The following ERBB4 variants were observed in gnomAD, a reference collection of about 807,000 sequenced individuals.
ERBB4 encodes the protein receptor tyrosine-protein kinase erbB-4.
Under a neutral mutation model 158.0 loss-of-function variants are expected in ERBB4, and 42 were observed. The ratio of observed to expected loss-of-function variants is 0.27; its 90% confidence interval spans 0.21 to 0.34. The LOEUF (loss-of-function observed/expected upper bound fraction) is 0.34, where lower values mean the gene tolerates loss of function less well. Ranked by LOEUF, ERBB4 falls within the 10% of genes least tolerant of loss-of-function variation. The pLI is 1.00. For missense variants in ERBB4, 1,333 were observed against 1,624.1 expected (o/e 0.82, Z 3.08); for synonymous variants, 583 against 558.7 (o/e 1.04, Z -0.61).
chr2:212,325,127 G>A (rs2087765697), intron 1 of ERBB4, among the ~76,000 whole-genome samples: 1 of 150,668 alleles, frequency 6.6e-6, no homozygotes. Context: ...TGTATTACAT[G>A]TTAGAAATTT....
intron 3 of ERBB4, among the ~76,000 whole-genome samples, chr2:211,888,201 T>C (rs2106172711): frequency 6.6e-6 from 1 of 152,344 alleles, no homozygotes; most frequent in South Asian, 2.1e-4. Flanking sequence ...TTCTTTGGGC[T>C]ACTCTACCAA....
intron 1 of ERBB4, among the ~76,000 whole-genome samples, chr2:212,324,934 C>T (rs1018556159): frequency 6.7e-6 from 1 of 150,344 alleles, no homozygotes; most frequent in Admixed American, 6.6e-5. Flanking sequence ...ACACAAGTCA[C>T]GATTATACAG....
intron 12 of ERBB4, among the ~76,000 whole-genome samples, chr2:211,696,322 G>A (rs1167128564): frequency 6.6e-6 from 1 of 152,072 alleles, no homozygotes; most frequent in Admixed American, 6.6e-5. Context: ...TATTGGCCAA[G>A]ATGATCTTGA....
intron 3 of ERBB4, among the ~76,000 whole-genome samples, chr2:211,916,515 C>T (rs2079696471): frequency 1.3e-5 from 2 of 151,982 alleles, no homozygotes; most frequent in Non-Finnish European, 2.9e-5. Context: ...TTCATATTTA[C>T]CTATAAATTT....
intron 3 of ERBB4, among the ~76,000 whole-genome samples, chr2:211,818,908 A>C (rs1206110044): frequency 6.6e-6 from 1 of 152,128 alleles, no homozygotes; most frequent in South Asian, 2.1e-4. Flanking sequence ...TTTCAAATGT[A>C]TTTATAAAAT....
chr2:211,978,397 TCTATCTATCTATCTA>T (rs2081688281), intron 2 of ERBB4, among the ~76,000 whole-genome samples: 1 of 35,294 alleles, frequency 2.8e-5, no homozygotes, highest in East Asian at 4.3e-4. Flanking sequence ...TGTCTGTCTG[TCTATCTATCTATCTA>T]TCTATCTATC....
At chr2:212,297,911 A>G (rs2086473501) in intron 1 of ERBB4, among the ~76,000 whole-genome samples, 1 of 151,752 alleles carries the variant, frequency 6.6e-6, no homozygotes, top group Admixed American at 6.6e-5. Context: ...AAAATATTTG[A>G]ATTTTGAAAT....
chr2:211,532,877 A>G, intron 20 of ERBB4, among the ~76,000 whole-genome samples: 1 of 152,004 alleles, frequency 6.6e-6, no homozygotes, highest in East Asian at 1.9e-4. Context: ...TTCTTCAGCT[A>G]TAGTAAACAG....
chr2:212,457,603 C>T (rs1688363956), intron 1 of ERBB4, among the ~76,000 whole-genome samples: 1 of 152,040 alleles, frequency 6.6e-6, no homozygotes, highest in African/African-American at 2.4e-5. Flanking sequence ...CATAATTTGG[C>T]TTAATTACTT....
At chr2:211,945,545 T>C (rs2080665620) in intron 3 of ERBB4, among the ~76,000 whole-genome samples, 1 of 152,116 alleles carries the variant, frequency 6.6e-6, no homozygotes, top group South Asian at 2.1e-4. Context: ...TATCCATTTG[T>C]ACTATGGCAA....
chr2:211,965,319 A>C (rs558134858), intron 2 of ERBB4, among the ~76,000 whole-genome samples: 1 of 152,224 alleles, frequency 6.6e-6, no homozygotes, highest in Non-Finnish European at 1.5e-5. Context: ...TGATAAATGG[A>C]AATAGTTTAA....
At chr2:211,857,884 G>A (rs1332249692) in intron 3 of ERBB4, among the ~76,000 whole-genome samples, 1 of 152,222 alleles carries the variant, frequency 6.6e-6, no homozygotes, top group Non-Finnish European at 1.5e-5. Flanking sequence ...TAGTAAGAGT[G>A]AAGCACACGG....
chr2:212,265,897 C>T lies in ERBB4; in HGVS notation c.83-140994G>A, dbSNP rs1005481973. ...TTTATGAATCAAAGTTTTCACTTCT[C>T]CATGTCCTATGTGTTACTGTAACCA... On this transcript the variant is annotated intron_variant, in intron 1 of 27. Coordinates refer to ENST00000342788, the MANE Select transcript of ERBB4 (RefSeq NM_005235.3). 8.5e-5 allele frequency among the ~76,000 whole-genome samples: 13 copies of T among 152,132 alleles called. No homozygotes were observed. In the East Asian group the frequency reaches 2.3e-3, roughly 27 times the overall value.
At chr2:212,448,053 C>T (rs992604787) in intron 1 of ERBB4, among the ~76,000 whole-genome samples, 6 of 152,158 alleles carry the variant, frequency 3.9e-5, no homozygotes, top group Non-Finnish European at 8.8e-5. Flanking sequence ...GTGATTTCAG[C>T]GGTATTCACA....
intron 23 of ERBB4, 146 bp from the exon 24 acceptor site, chr2:211,422,250 C>T (rs535742620): frequency 1.8e-5 from 12 of 671,066 alleles, no homozygotes; most frequent in East Asian, 5.5e-5. Flanking sequence ...GTGAAAGAAA[C>T]GACTCAATTG....
chr2:212,040,388 T>C (rs2077112416), intron 2 of ERBB4, among the ~76,000 whole-genome samples: 1 of 152,102 alleles, frequency 6.6e-6, no homozygotes, highest in Non-Finnish European at 1.5e-5. Context: ...GTGGTTTATT[T>C]CACCTTATAA....
intron 19 of ERBB4, among the ~76,000 whole-genome samples, chr2:211,605,351 G>A (rs767004494): frequency 1.3e-5 from 2 of 152,212 alleles, no homozygotes; most frequent in Admixed American, 6.5e-5. Context: ...GAAGACTATA[G>A]AAAGATGCTT....
At chr2:212,070,140 A>AT (rs1389526300) in intron 2 of ERBB4, among the ~76,000 whole-genome samples, 18 of 151,952 alleles carry the variant, frequency 1.2e-4, no homozygotes, top group Admixed American at 6.6e-5. Context: ...AATGAAAATA[A>AT]TTTTTTAAAA....
chr2:211,644,032 T>C (rs1265005489), intron 16 of ERBB4, among the ~76,000 whole-genome samples: 1 of 151,888 alleles, frequency 6.6e-6, no homozygotes, highest in Admixed American at 6.6e-5. Context: ...AACAAGAACA[T>C]CCAAGTTTTC....
Sources: gnomAD v4.1 joint callset for allele counts (sites outside exome capture counted in the v4.1 genomes callset) on GRCh38, gnomAD v4.1.1 for gene constraint, MANE v1.5 for transcripts, NCBI Gene and HGNC (gene_info 2026-07-23, HGNC 2026-07-21) for gene names.